CD82: variants seen among roughly 807,000 people sequenced by gnomAD.
CD82 encodes CD82 molecule.
A neutral mutation model predicts 37.4 loss-of-function variants in CD82; 36 were observed. That is an observed-to-expected ratio of 0.96 (90% CI 0.74 to 1.27). CD82 has a LOEUF of 1.27. Ranked by LOEUF, CD82 falls within the 50% of genes most tolerant of loss-of-function variation. The probability of loss-of-function intolerance (pLI) is 0.00; values close to 1 mark genes in which losing one functional copy is unlikely to be tolerated. For synonymous variants in CD82, 158 were observed against 137.4 expected (o/e 1.15, Z -1.05); for missense variants, 340 against 347.0 (o/e 0.98, Z 0.16).
In CD82 at chr11:44,618,254, A is replaced by AGTCAAGGG; in HGVS notation, c.533_540dup (p.Glu181SerfsTer11). ...AGGTCACCTACCCCTGTTCCTGCGA[A>AGTCAAGGG]GTCAAGGGGGAAGAGGACAACAGCC... On this transcript the variant is annotated frameshift_variant, in exon 8 of 10. Transcript: ENST00000227155. LOFTEE classifies it high-confidence loss of function. 1 of 1,614,104 alleles carries AGTCAAGGG rather than the reference A, an allele frequency of 6.2e-7. No individual in the cohort carries two copies. Among genetic ancestry groups the AGTCAAGGG allele is most frequent in the Non-Finnish European group, 8.5e-7 (1 of 1,180,014 alleles).
chr11:44,600,174 T>C lies in CD82; in HGVS notation c.80T>C (p.Ile27Thr). Residue 27 changes from isoleucine to threonine, a missense_variant, in exon 4 of 10, where the codon ATC becomes ACC. Physicochemically the swap from Ile to Thr is moderately conservative, Grantham distance 89 (BLOSUM62 -1). Transcript: ENST00000227155. ...TCCTTCCAGATCCTGGGCGCAGTGA[T>C]CCTGGGCTTCGGGGTGTGGATCCTG... ...NLIFFILGAV[I>T]LGFGVWILAD... The C allele has an allele frequency of 6.2e-7, 1 of 1,614,130 alleles. No individual in the cohort carries two copies. The highest frequency in any genetic ancestry group is 8.5e-7 in the Non-Finnish European group (1 of 1,179,984).
chr11:44,595,908 CAAA>C (rs71449886), intron 3 of CD82, among the ~76,000 whole-genome samples: 3 of 69,684 alleles, frequency 4.3e-5, no homozygotes, highest in South Asian at 5.4e-4. Flanking sequence ...TGTTTCTCTA[CAAA>C]AAAAAAAAAA....
At chr11:44,571,660 C>T (rs532276497) in intron 1 of CD82, among the ~76,000 whole-genome samples, 2 of 152,190 alleles carry the variant, frequency 1.3e-5, no homozygotes, top group South Asian at 2.1e-4. Flanking sequence ...CTGCAACCTC[C>T]ACCTCCCGGG....
intron 3 of CD82, among the ~76,000 whole-genome samples, chr11:44,598,940 G>C (rs1224679716): frequency 6.6e-6 from 1 of 152,220 alleles, no homozygotes; most frequent in Non-Finnish European, 1.5e-5. Flanking sequence ...GGCCAGCCTT[G>C]TGGGTTGACA....
intron 6 of CD82, among the ~76,000 whole-genome samples, chr11:44,612,041 C>T (rs1853489521): frequency 6.6e-6 from 1 of 152,174 alleles, no homozygotes; most frequent in Non-Finnish European, 1.5e-5. Context: ...ACAGATGCTT[C>T]TAGAGAGCCC....
At chr11:44,572,143 T>TAGGA (rs1852822863) in intron 1 of CD82, among the ~76,000 whole-genome samples, 1 of 152,270 alleles carries the variant, frequency 6.6e-6, no homozygotes, top group East Asian at 1.9e-4. Flanking sequence ...TCCTGCAGCC[T>TAGGA]AGGAAGGAAG....
At chr11:44,601,619 C>A (rs917745145) in intron 4 of CD82, among the ~76,000 whole-genome samples, 1 of 152,194 alleles carries the variant, frequency 6.6e-6, no homozygotes, top group Non-Finnish European at 1.5e-5. Flanking sequence ...TGGGGGTGAG[C>A]CCACTGGGTG....
intron 3 of CD82, among the ~76,000 whole-genome samples, chr11:44,596,052 G>A (rs964130503): frequency 6.6e-6 from 1 of 152,184 alleles, no homozygotes; most frequent in Non-Finnish European, 1.5e-5. Flanking sequence ...CCCTGGCGCT[G>A]CCTGCCTTGC....
chr11:44,565,265 A>G (rs1852712175), upstream of CD82, among the ~76,000 whole-genome samples: 1 of 151,960 alleles, frequency 6.6e-6, no homozygotes, highest in African/African-American at 2.4e-5. Flanking sequence ...TCGAAGGAGA[A>G]AGTGAAGGAG....
At chr11:44,618,417 A>G (rs746430918) in intron 8 of CD82, 52 bp downstream of exon 8, 4 of 1,508,288 alleles carry the variant, frequency 2.7e-6, no homozygotes, top group South Asian at 1.1e-5. Flanking sequence ...GTTGGGGGCC[A>G]TCTGGGCTAC....
intron 6 of CD82, among the ~76,000 whole-genome samples, chr11:44,613,248 G>T (rs1306110066): frequency 6.6e-6 from 1 of 152,206 alleles, no homozygotes; most frequent in Non-Finnish European, 1.5e-5. Flanking sequence ...GCCCTGAAAG[G>T]TCTCTGGGCA....
At chr11:44,605,561 T>C (rs1456001799) in intron 6 of CD82, 132 bp downstream of exon 6, 1 of 772,612 alleles carries the variant, frequency 1.3e-6, no homozygotes, top group South Asian at 1.6e-5. Flanking sequence ...GACGGCCTCC[T>C]GGACACTATT....
intron 1 of CD82, among the ~76,000 whole-genome samples, chr11:44,582,047 T>C (rs744222): frequency 0.64 from 97,012 of 152,146 alleles, 31,317 homozygotes; most frequent in East Asian, 0.86. Context: ...GCCTTGGTGG[T>C]GGGAAGTAAT....
chr11:44,594,556 G>T, intron 2 of CD82, 87 bp from the exon 3 acceptor site: 8 of 815,358 alleles, frequency 9.8e-6, no homozygotes, highest in Non-Finnish European at 1.7e-5. Context: ...CTAAGGCAGG[G>T]ACAGGGTTAG....
At chr11:44,592,866 T>TC (rs1229589550) in intron 2 of CD82, among the ~76,000 whole-genome samples, 11 of 152,146 alleles carry the variant, frequency 7.2e-5, no homozygotes. Flanking sequence ...AGCACTTAAA[T>TC]CCCCCAGGAG....
chr11:44,594,388 ACCAGCCCCAGCC>A (rs3837391), intron 2 of CD82, among the ~76,000 whole-genome samples: 1 of 150,582 alleles, frequency 6.6e-6, no homozygotes, highest in Admixed American at 6.6e-5. Context: ...TTTTGCTCCC[ACCAGCCCCAGCC>A]CCAGCCCCAG....
chr11:44,587,411 T>A (rs1853072591), intron 1 of CD82, 64 bp from the exon 2 acceptor site: 1 of 455,944 alleles, frequency 2.2e-6, no homozygotes, highest in Admixed American at 2.3e-5. Flanking sequence ...TGAGTATGTC[T>A]TCAGCCACAT....
chr11:44,618,957 C>T (rs1853613311), intron 9 of CD82, 92 bp from the exon 10 acceptor site: 2 of 1,137,232 alleles, frequency 1.8e-6, no homozygotes, highest in Non-Finnish European at 2.7e-6. Context: ...GTTGAGGATC[C>T]ACTTAATCCC....
In CD82 at chr11:44,618,724, G is replaced by A. The variant is rs1376918940; in HGVS notation, c.726+1G>A. On this transcript the variant is annotated splice_donor_variant, in intron 9 of 9. Transcript: ENST00000227155. LOFTEE classifies it high-confidence loss of function. ...GGGCGTGGGTGTGGCCATCATCGAGGTCTGAGCCCCCTCCCCCATCCCTTC... is the reference window on the plus strand; with the variant it reads ...GGGCGTGGGTGTGGCCATCATCGAGATCTGAGCCCCCTCCCCCATCCCTTC... 1 of 1,611,996 alleles carries A rather than the reference G, an allele frequency of 6.2e-7. No homozygotes were observed. Among genetic ancestry groups the A allele is most frequent in the South Asian group, 1.1e-5 (1 of 91,012 alleles).
Sources: gnomAD v4.1 joint callset for allele counts (sites outside exome capture counted in the v4.1 genomes callset) on GRCh38, gnomAD v4.1.1 for gene constraint, MANE v1.5 for transcripts, NCBI Gene and HGNC (gene_info 2026-07-23, HGNC 2026-07-21) for gene names.